The following LINC00305 variants were observed in gnomAD, a reference collection of about 807,000 sequenced individuals.
LINC00305 encodes the protein long intergenic non-protein coding RNA 305.
intron 1 of LINC00305, among the ~76,000 whole-genome samples, chr18:64,115,847 G>A (rs1294171503): frequency 2.6e-5 from 4 of 152,084 alleles, no homozygotes; most frequent in African/African-American, 9.7e-5. Flanking sequence ...CAAGGATCTG[G>A]GAGTCATCTC....
intron 1 of LINC00305, chr18:64,148,665 C>T (rs2051509991): frequency 6.6e-6 from 1 of 152,158 alleles, no homozygotes; most frequent in African/African-American, 2.4e-5. Context: ...TTCTTAGAGC[C>T]ACACTTGAGG....
At chr18:64,140,649 G>T (rs1315903471) in intron 1 of LINC00305, among the ~76,000 whole-genome samples, 1 of 152,180 alleles carries the variant, frequency 6.6e-6, no homozygotes, top group Admixed American at 6.5e-5. Flanking sequence ...TTAGAGCAGA[G>T]CCTGAGACAT....
In LINC00305 at chr18:64,139,247, T is replaced by G. The variant is rs190157865; in HGVS notation, n.314+9528A>C. 3.0e-3 allele frequency among the ~76,000 whole-genome samples: 460 copies of G among 152,304 alleles called. 4 individuals carry two copies. Among genetic ancestry groups the G allele is most frequent in the African/African-American group, 0.011 (445 of 41,564 alleles). ...TCAGAGCAGCAGCCTCTAAACAAGG[T>G]TATCTTTACTTTCTTTCCTCAAATC... On this transcript the variant is annotated intron_variant and non_coding_transcript_variant, in intron 1 of 3. Transcript: ENST00000666468.
intron 1 of LINC00305, among the ~76,000 whole-genome samples, chr18:64,106,443 T>A (rs540593807): frequency 1.3e-5 from 2 of 152,262 alleles, no homozygotes; most frequent in East Asian, 3.9e-4. Context: ...TGTCACCACC[T>A]AGAAGCTTCT....
chr18:64,096,145 G>A (rs2051244262), intron 3 of LINC00305, among the ~76,000 whole-genome samples: 1 of 151,992 alleles, frequency 6.6e-6, no homozygotes, highest in Non-Finnish European at 1.5e-5. Context: ...TAAGAAGCAA[G>A]TGCCTATATA....
At chr18:64,143,795 GCGTACATGTATGTA>G (rs2051483081) in intron 1 of LINC00305, among the ~76,000 whole-genome samples, 1 of 93,838 alleles carries the variant, frequency 1.1e-5, no homozygotes, top group South Asian at 4.1e-4. Flanking sequence ...CACATATTAT[GCGTACATGTATGTA>G]TACATATATA....
chr18:64,090,901 C>T lies in LINC00305; in HGVS notation n.540+6933G>A, dbSNP rs561038489. ...CTTACACGTGTGTATGTATTTCTTT[C>T]CTACCAGACCAGTGGAAGTGCTGCA... On this transcript the variant is annotated intron_variant and non_coding_transcript_variant, in intron 3 of 3. Coordinates refer to ENST00000666468, the Ensembl canonical transcript of LINC00305. 1.2e-4 allele frequency among the ~76,000 whole-genome samples: 19 copies of T among 152,272 alleles called. 1 individual carries two copies. Among genetic ancestry groups the T allele is most frequent in the South Asian group, 8.3e-4 (4 of 4,824 alleles).
At chr18:64,086,722 T>C (rs1292892228) in intron 3 of LINC00305, among the ~76,000 whole-genome samples, 3 of 152,238 alleles carry the variant, frequency 2.0e-5, no homozygotes, top group Admixed American at 6.5e-5. Context: ...CAAACTATTC[T>C]TGCTTGGATT....
At chr18:64,084,231 T>C (rs2051194971) in intron 3 of LINC00305, among the ~76,000 whole-genome samples, 1 of 152,252 alleles carries the variant, frequency 6.6e-6, no homozygotes, top group African/African-American at 2.4e-5. Context: ...GCATATAGTA[T>C]CAACTCAGTT....
intron 1 of LINC00305, among the ~76,000 whole-genome samples, chr18:64,146,953 G>T (rs879855311): frequency 1.9e-4 from 29 of 152,236 alleles, no homozygotes; most frequent in Admixed American, 1.7e-3. Flanking sequence ...AAGTCAATTT[G>T]TATGTTTTTC....
intron 1 of LINC00305, among the ~76,000 whole-genome samples, chr18:64,110,625 T>A (rs757625995): frequency 6.6e-6 from 1 of 152,220 alleles, no homozygotes; most frequent in Non-Finnish European, 1.5e-5. Flanking sequence ...GATCTTCTTT[T>A]TGGAAGTGAC....
Position 64,107,023 on chromosome 18 carries a change from G to A in LINC00305, n.315-8383C>T, listed in dbSNP as rs188471762. On this transcript the variant is annotated intron_variant and non_coding_transcript_variant, in intron 1 of 3. Coordinates refer to ENST00000666468, the Ensembl canonical transcript of LINC00305. ...GGTATAATTGATGTGCACCAATTCC[G>A]GGCCTGGCCCATAAAATATTTTTCA... Among the ~76,000 whole-genome samples, 73 of 152,238 alleles carry A rather than the reference G, an allele frequency of 4.8e-4. No homozygotes were observed. The East Asian group carries it at 7.2e-3, about 15-fold the overall frequency.
intron 1 of LINC00305, among the ~76,000 whole-genome samples, chr18:64,111,891 T>C (rs1490561404): frequency 6.6e-6 from 1 of 152,208 alleles, no homozygotes; most frequent in Non-Finnish European, 1.5e-5. Flanking sequence ...GGAACAGTAA[T>C]GTATGCAAAC....
chr18:64,125,436 CTCTTA>C (rs2051380375), intron 1 of LINC00305, among the ~76,000 whole-genome samples: 1 of 152,034 alleles, frequency 6.6e-6, no homozygotes, highest in Non-Finnish European at 1.5e-5. Context: ...AAGATTATTA[CTCTTA>C]TCTTAATTCG....
intron 1 of LINC00305, among the ~76,000 whole-genome samples, chr18:64,124,876 A>T (rs994120469): frequency 6.6e-6 from 1 of 152,134 alleles, no homozygotes; most frequent in African/African-American, 2.4e-5. Flanking sequence ...TCATCAGTGG[A>T]ATGACCAGGC....
At chr18:64,098,785 G>A in intron 1 of LINC00305, 1 of 260,240 alleles carries the variant, frequency 3.8e-6, no homozygotes, top group South Asian at 4.4e-5. Flanking sequence ...AACAGCCTTA[G>A]ACGTGTCCTC....
chr18:64,136,164 T>C (rs1398521603), intron 1 of LINC00305, among the ~76,000 whole-genome samples: 2 of 152,154 alleles, frequency 1.3e-5, no homozygotes, highest in Admixed American at 1.3e-4. Flanking sequence ...ACTGTAGTAA[T>C]GCTAGTTAAA....
chr18:64,102,396 G>C (rs1206700433), intron 1 of LINC00305, among the ~76,000 whole-genome samples: 1 of 152,144 alleles, frequency 6.6e-6, no homozygotes, highest in Non-Finnish European at 1.5e-5. Flanking sequence ...TAGACATTTA[G>C]AATGTCAGCT....
chr18:64,116,323 TC>T (rs1441946826), intron 1 of LINC00305, among the ~76,000 whole-genome samples: 7 of 152,340 alleles, frequency 4.6e-5, no homozygotes, highest in Middle Eastern at 6.8e-3. Flanking sequence ...CAAATGTTTT[TC>T]CTCCTAGCAT....
Sources: gnomAD v4.1 joint callset for allele counts (sites outside exome capture counted in the v4.1 genomes callset) on GRCh38, gnomAD v4.1.1 for gene constraint, MANE v1.5 for transcripts, NCBI Gene and HGNC (gene_info 2026-07-23, HGNC 2026-07-21) for gene names.